Variants in IP6K1 observed in about 807,000 individuals in gnomAD.
IP6K1 encodes the protein ATP:1D-myo-inositol-hexakisphosphate phosphotransferase.
Under a neutral mutation model 38.3 loss-of-function variants are expected in IP6K1, and 13 were observed. The ratio of observed to expected loss-of-function variants is 0.34; its 90% CI spans 0.22 to 0.54. The LOEUF is 0.54. IP6K1 is among the 20% of genes least tolerant of loss of function. IP6K1 has a pLI of 0.92. For missense variants in IP6K1, 397 were observed against 599.8 expected, an observed-to-expected ratio of 0.66 and a Z score of 3.53; for synonymous variants, 212 against 229.9, an observed-to-expected ratio of 0.92 and a Z score of 0.70.
At position 49,738,236 on chromosome 3, in the gene IP6K1, C is replaced by T. The variant is rs201162462; in HGVS notation, c.410G>A (p.Ser137Asn). 1.6e-5 allele frequency: 26 copies of T among 1,614,076 alleles called. No homozygotes were observed. Among genetic ancestry groups the T allele is most frequent in the Non-Finnish European group, 1.6e-5 (19 of 1,180,030 alleles). ...SGSDHKEEKA[S>N]LSLETSESSQ... is the part of the protein sequence containing the mutation. Reference sequence around the variant, plus strand: ...CCTCTCAGAGGTCTCAAGGGACAGGCTGGCTTTCTCCTCCTTGTGGTCACT... The same window carrying T: ...CCTCTCAGAGGTCTCAAGGGACAGGTTGGCTTTCTCCTCCTTGTGGTCACT... Residue 137 changes from serine (S) to asparagine (N), a missense_variant, in exon 3 of 6, where the codon AGC (serine) becomes AAC (asparagine). This residue lies in a region of IP6K1 where 171 missense variants were observed against 237.0 expected (regional missense o/e 0.72). Transcript: ENST00000321599.
chr3:49,747,717 A>T, intron 2 of IP6K1, 101 bp downstream of exon 2: 2 of 1,483,012 alleles, frequency 1.3e-6, no homozygotes, highest in Non-Finnish European at 1.8e-6. Flanking sequence ...GAGAAAAAAG[A>T]CCTACAATGA....
chr3:49,762,477 G>T (rs879533073), intron 1 of IP6K1, among the ~76,000 whole-genome samples: 1 of 152,126 alleles, frequency 6.6e-6, no homozygotes, highest in Non-Finnish European at 1.5e-5. Flanking sequence ...TTGAACCCGG[G>T]AGGCAGAGGT....
intron 2 of IP6K1, among the ~76,000 whole-genome samples, chr3:49,739,355 C>CTTT (rs778966835): frequency 3.7e-5 from 5 of 135,600 alleles, no homozygotes; most frequent in East Asian, 2.1e-4. Context: ...GCTTAAAGTT[C>CTTT]TTTTTTTTTT....
At chr3:49,751,712 G>A (rs1440931874) in intron 1 of IP6K1, among the ~76,000 whole-genome samples, 1 of 152,176 alleles carries the variant, frequency 6.6e-6, no homozygotes, top group Non-Finnish European at 1.5e-5. Context: ...AGCTACAATA[G>A]AGACTCTGTC....
intron 3 of IP6K1, among the ~76,000 whole-genome samples, chr3:49,737,465 C>T (rs894799800): frequency 1.3e-5 from 2 of 152,166 alleles, no homozygotes; most frequent in African/African-American, 2.4e-5. Context: ...GCAGGCGAAT[C>T]GCCTGAGGTC....
intron 2 of IP6K1, among the ~76,000 whole-genome samples, chr3:49,746,813 G>A (rs951042335): frequency 6.6e-6 from 1 of 152,056 alleles, no homozygotes; most frequent in East Asian, 1.9e-4. Flanking sequence ...GTCAAAAATT[G>A]TAATGATTTC....
chr3:49,740,640 T>C (rs941133366), intron 2 of IP6K1, among the ~76,000 whole-genome samples: 7 of 152,182 alleles, frequency 4.6e-5, no homozygotes, highest in Non-Finnish European at 8.8e-5. Flanking sequence ...TCACTTAGCA[T>C]AGTGTTTGCA....
intron 3 of IP6K1, among the ~76,000 whole-genome samples, chr3:49,735,347 G>A (rs2080599860): frequency 6.6e-6 from 1 of 152,160 alleles, no homozygotes; most frequent in Non-Finnish European, 1.5e-5. Context: ...GGGTGACAGA[G>A]CAAGACCTTG....
Position 49,732,804 on chromosome 3 carries a change from G to T in IP6K1, c.603C>A (p.Asp201Glu). 2 of 1,613,418 alleles carry T rather than the reference G, an allele frequency of 1.2e-6. No homozygotes were observed. Among genetic ancestry groups the T allele is most frequent in the Non-Finnish European group, 1.7e-6 (2 of 1,179,666 alleles). The part of the protein sequence containing the change: ...QLSRMRSESK[D>E]RKLYKFLLLE... ...CAACGAGGATACTGTAGAGCTTTCG[G>T]TCCTTGGACTCGGAGCGCATGCGGC... The change falls in exon 4 of 6, where the codon GAC (aspartate) becomes GAA (glutamate). Residue 201 changes from aspartate to glutamate, a missense_variant. By Grantham distance (45) the Asp-to-Glu change is conservative. Transcript: ENST00000321599.
chr3:49,763,747 G>A (rs2080885739), intron 1 of IP6K1, among the ~76,000 whole-genome samples: 1 of 152,188 alleles, frequency 6.6e-6, no homozygotes, highest in Non-Finnish European at 1.5e-5. Context: ...TGGGTGTGGT[G>A]GCTCACGCCT....
intron 1 of IP6K1, among the ~76,000 whole-genome samples, chr3:49,764,840 GCACTATAGCCTGGGTGA>G (rs1350590655): frequency 6.6e-6 from 1 of 150,480 alleles, no homozygotes; most frequent in African/African-American, 2.5e-5. Flanking sequence ...CTGCACCACT[GCACTATAGCCTGGGTGA>G]CAGAGTGAAA....
chr3:49,727,355 G>A lies in IP6K1; in HGVS notation c.1093C>T (p.Leu365Phe), dbSNP rs368381707. 1.2e-6 allele frequency: 2 copies of A among 1,614,106 alleles called. No individual in the cohort carries two copies. Among genetic ancestry groups the A allele is most frequent in the East Asian group, 2.2e-5 (1 of 44,878 alleles). The change falls in exon 6 of 6, where the codon CTC becomes TTC. Residue 365 changes from leucine (L) to phenylalanine (F), a missense_variant. This residue lies in a region of IP6K1 where 164 missense variants were observed against 213.5 expected (regional missense o/e 0.77). Transcript: ENST00000321599. The surrounding 1 kb of genome is among the most constrained non-coding windows in gnomAD (Gnocchi z 5.9). ...CCACAGGATGACGCCACCTCAGGGA[G>A]CACCATGTCCAGGTGCTTGAGACGC... Reference protein sequence around the residue: ...EMRLKHLDMVLPEVASSCGPS... With the variant: ...EMRLKHLDMVFPEVASSCGPS...
intron 1 of IP6K1, among the ~76,000 whole-genome samples, chr3:49,749,948 C>T (rs972966763): frequency 1.3e-5 from 2 of 151,756 alleles, no homozygotes; most frequent in Non-Finnish European, 1.5e-5. Flanking sequence ...TCCTAGACTC[C>T]ATTCTCTCCA....
chr3:49,728,725 G>A (rs779680650), intron 4 of IP6K1, among the ~76,000 whole-genome samples: 6 of 151,798 alleles, frequency 4.0e-5, no homozygotes, highest in East Asian at 1.9e-4. Flanking sequence ...ACAGGTGCCC[G>A]CCACTACACC....
At chr3:49,760,064 C>G (rs1175166729) in intron 1 of IP6K1, among the ~76,000 whole-genome samples, 1 of 152,084 alleles carries the variant, frequency 6.6e-6, no homozygotes, top group Admixed American at 6.6e-5. Context: ...GCTATTTTCC[C>G]TTCCTTTTTT....
chr3:49,743,120 T>TC (rs952980949), intron 2 of IP6K1, among the ~76,000 whole-genome samples: 7 of 152,102 alleles, frequency 4.6e-5, no homozygotes, highest in African/African-American at 1.7e-4. Flanking sequence ...TCCCAGCTAC[T>TC]CAGGAGGCTG....
At chr3:49,768,827 G>A (rs1473533282) in intron 1 of IP6K1, among the ~76,000 whole-genome samples, 18 of 151,968 alleles carry the variant, frequency 1.2e-4, no homozygotes, top group Admixed American at 1.2e-3. Flanking sequence ...TATTAAGAAC[G>A]TACAAGGGGC....
intron 1 of IP6K1, among the ~76,000 whole-genome samples, chr3:49,763,621 TCATCA>T (rs1195436662): frequency 7.2e-5 from 11 of 152,122 alleles, no homozygotes; most frequent in Non-Finnish European, 1.6e-4. Context: ...GTATTACTAC[TCATCA>T]TATTAACAGA....
chr3:49,781,223 G>A (rs902256241), intron 1 of IP6K1, among the ~76,000 whole-genome samples: 25 of 152,042 alleles, frequency 1.6e-4, no homozygotes, highest in Non-Finnish European at 2.9e-4. Flanking sequence ...CACCACGCCT[G>A]ACTAATTTTT....
Sources: allele counts gnomAD v4.1 joint callset (sites outside exome capture counted in the v4.1 genomes callset), GRCh38; gene constraint gnomAD v4.1.1; regional missense constraint gnomAD v4.1.1; non-coding constraint Gnocchi (gnomAD v3.1); transcripts MANE v1.5; gene names NCBI Gene and HGNC (gene_info 2026-07-23, HGNC 2026-07-21).